Variants in CNTNAP2 observed in about 807,000 individuals in gnomAD.
CNTNAP2 encodes the protein contactin-associated protein-like 2.
CNTNAP2 carries 98 observed loss-of-function variants against 155.2 expected under a neutral mutation model. The observed-to-expected ratio is 0.63, with a 90% CI of 0.54 to 0.75. CNTNAP2 has a LOEUF of 0.75. Ranked by LOEUF, CNTNAP2 falls within the 30% of genes least tolerant of loss-of-function variation. The pLI, the probability that CNTNAP2 is intolerant of heterozygous loss-of-function variation, is 0.00. For synonymous variants in CNTNAP2, 651 were observed against 631.2 expected, an observed-to-expected ratio of 1.03 and a Z score of -0.47; for missense variants, 1,727 against 1,688.1, an observed-to-expected ratio of 1.02 and a Z score of -0.40.
In CNTNAP2 at chr7:148,296,733, C is replaced by T. The variant is rs376722603; in HGVS notation, c.3475+29607C>T. Among the ~76,000 whole-genome samples, 44 of 152,222 alleles carry T rather than the reference C, an allele frequency of 2.9e-4. 1 individual carries two copies. The South Asian group carries it at 8.7e-3, about 30-fold the overall frequency. ...CGATGGTGCCCGTGCAGCCTACTTTCGTCAGGACTTGGCCAAAGCCCATTC... is the reference window on the plus strand; with the variant it reads ...CGATGGTGCCCGTGCAGCCTACTTTTGTCAGGACTTGGCCAAAGCCCATTC... On this transcript the variant is annotated intron_variant, in intron 21 of 23. Transcript: ENST00000361727.
intron 1 of CNTNAP2, among the ~76,000 whole-genome samples, chr7:146,451,251 A>C (rs1796476744): frequency 6.6e-6 from 1 of 152,056 alleles, no homozygotes; most frequent in South Asian, 2.1e-4. Flanking sequence ...CAGCCATAAA[A>C]CTGTTTATTT....
intron 3 of CNTNAP2, among the ~76,000 whole-genome samples, chr7:147,018,621 T>G (rs1037053578): frequency 6.6e-6 from 1 of 152,052 alleles, no homozygotes; most frequent in South Asian, 2.1e-4. Flanking sequence ...AAAGAGAGTT[T>G]TATTCAAAAA....
chr7:146,755,964 T>C (rs1268536312), intron 1 of CNTNAP2, among the ~76,000 whole-genome samples: 2 of 151,960 alleles, frequency 1.3e-5, no homozygotes, highest in African/African-American at 4.8e-5. Flanking sequence ...AGTTTATGAA[T>C]ATGAAACGAA....
chr7:147,627,774 A>T (rs985506377), intron 12 of CNTNAP2, among the ~76,000 whole-genome samples: 2 of 151,666 alleles, frequency 1.3e-5, no homozygotes, highest in Non-Finnish European at 1.5e-5. Context: ...AGATGTCATA[A>T]AGAAAAAACA....
At chr7:146,878,929 C>T (rs1585135215) in intron 3 of CNTNAP2, among the ~76,000 whole-genome samples, 1 of 152,260 alleles carries the variant, frequency 6.6e-6, no homozygotes, top group East Asian at 1.9e-4. Context: ...TGGACACTTA[C>T]CTTTTGCGAA....
At chr7:147,141,815 C>T (rs1189700000) in intron 8 of CNTNAP2, among the ~76,000 whole-genome samples, 1 of 152,094 alleles carries the variant, frequency 6.6e-6, no homozygotes, top group African/African-American at 2.4e-5. Context: ...CTCACAGGAG[C>T]ATTTTAAGTA....
At chr7:147,307,255 C>A (rs1378643956) in intron 9 of CNTNAP2, among the ~76,000 whole-genome samples, 9 of 152,184 alleles carry the variant, frequency 5.9e-5, no homozygotes, top group Non-Finnish European at 1.0e-4. Flanking sequence ...AAATGCTGGG[C>A]AAGTCAGCTG....
At chr7:147,963,876 T>A (rs940280529) in intron 14 of CNTNAP2, among the ~76,000 whole-genome samples, 5 of 152,024 alleles carry the variant, frequency 3.3e-5, no homozygotes, top group Non-Finnish European at 5.9e-5. Flanking sequence ...ATGTCTTTTT[T>A]CCCCCCTCAG....
intron 1 of CNTNAP2, among the ~76,000 whole-genome samples, chr7:146,476,857 T>C (rs936016902): frequency 6.6e-6 from 1 of 152,184 alleles, no homozygotes. Flanking sequence ...AGGGAAATCA[T>C]AGGCGCACAT....
chr7:147,978,162 T>C, intron 15 of CNTNAP2, 173 bp downstream of exon 15: 1 of 846,510 alleles, frequency 1.2e-6, no homozygotes, highest in Non-Finnish European at 1.8e-6. Context: ...AAGCCTCCAG[T>C]ACAGGAGCCG....
intron 1 of CNTNAP2, among the ~76,000 whole-genome samples, chr7:146,149,220 C>A (rs1465156748): frequency 2.6e-5 from 4 of 151,938 alleles, no homozygotes. Flanking sequence ...AATATGGTAT[C>A]TTAATAAATA....
chr7:146,702,239 T>A (rs1040885046), intron 1 of CNTNAP2, among the ~76,000 whole-genome samples: 4 of 152,124 alleles, frequency 2.6e-5, no homozygotes, highest in Non-Finnish European at 4.4e-5. Flanking sequence ...TAGAAAAAAT[T>A]AAGTAGTTTT....
At chr7:147,570,281 T>A (rs1191270695) in intron 12 of CNTNAP2, among the ~76,000 whole-genome samples, 2 of 152,158 alleles carry the variant, frequency 1.3e-5, no homozygotes, top group Non-Finnish European at 2.9e-5. Context: ...ACCCACCAGG[T>A]GGCTAGAATC....
intron 3 of CNTNAP2, among the ~76,000 whole-genome samples, chr7:147,008,567 A>G (rs1413099027): frequency 6.6e-6 from 1 of 152,164 alleles, no homozygotes; most frequent in African/African-American, 2.4e-5. Flanking sequence ...TAAAAAAAAC[A>G]GGAGTTTTTT....
chr7:148,193,425 A>G (rs1262515497), intron 18 of CNTNAP2, among the ~76,000 whole-genome samples: 1 of 152,230 alleles, frequency 6.6e-6, no homozygotes, highest in Admixed American at 6.5e-5. Flanking sequence ...ATATTTTAAT[A>G]TTTAACATTA....
At chr7:148,306,890 G>A (rs1203924287) in intron 21 of CNTNAP2, among the ~76,000 whole-genome samples, 1 of 152,044 alleles carries the variant, frequency 6.6e-6, no homozygotes, top group Non-Finnish European at 1.5e-5. Flanking sequence ...TAAGATTGAG[G>A]CACTACAAAT....
chr7:147,614,008 T>C (rs865921097), intron 12 of CNTNAP2, among the ~76,000 whole-genome samples: 2 of 152,188 alleles, frequency 1.3e-5, no homozygotes, highest in Non-Finnish European at 2.9e-5. Context: ...TTTAAATTTC[T>C]CATAAATATC....
At chr7:147,179,291 A>T (rs1802409845) in intron 8 of CNTNAP2, among the ~76,000 whole-genome samples, 1 of 152,230 alleles carries the variant, frequency 6.6e-6, no homozygotes, top group Non-Finnish European at 1.5e-5. Context: ...GGTATATGCG[A>T]TAAAGAAAAG....
rs190809776 is a variant in CNTNAP2 at position 147,172,473 on chromosome 7, T to A, written c.1348+39964T>A. ...TCATTTAATCTGTTATTCAGTAGAA[T>A]CATTGCCATATACTCACTTACCTTT... On this transcript the variant is annotated intron_variant, in intron 8 of 23. Coordinates refer to ENST00000361727, the MANE Select transcript of CNTNAP2 (RefSeq NM_014141.6). Among the ~76,000 whole-genome samples the A allele has an allele frequency of 5.9e-5, 9 of 152,306 alleles. No individual in the cohort carries two copies. In the East Asian group the frequency reaches 1.5e-3, roughly 26 times the overall value.
Sources: allele counts gnomAD v4.1 joint callset (sites outside exome capture counted in the v4.1 genomes callset), GRCh38; gene constraint gnomAD v4.1.1; transcripts MANE v1.5; gene names NCBI Gene and HGNC (gene_info 2026-07-23, HGNC 2026-07-21).